Variants in EPHA5 observed in about 807,000 individuals in gnomAD.
EPHA5 encodes ephrin type-A receptor 5.
A neutral mutation model predicts 105.0 loss-of-function variants in EPHA5; 60 were observed. The ratio of observed to expected loss-of-function variants is 0.57; its 90% CI spans 0.46 to 0.71. The LOEUF (loss-of-function observed/expected upper bound fraction) is 0.71, where lower values mean the gene tolerates loss of function less well. Among genes scored for constraint, EPHA5 ranks in the 30% least tolerant of loss-of-function variants. EPHA5 has a pLI of 0.00. For synonymous variants in EPHA5, 513 were observed against 449.1 expected (o/e 1.14, Z -1.80); for missense variants, 1,218 against 1,274.7 (o/e 0.96, Z 0.68).
chr4:65,351,454 T>C lies in EPHA5; in HGVS notation c.2380A>G (p.Lys794Glu), dbSNP rs2148854455. The part of the protein sequence containing the change: ...NILINSNLVC[K>E]VSDFGLSRVL... ...CGGGAAAGTCCAAAGTCAGACACTTTGCACACAAGGTTACTGTTGATTAAG... is the reference window on the plus strand; with the variant it reads ...CGGGAAAGTCCAAAGTCAGACACTTCGCACACAAGGTTACTGTTGATTAAG... The change falls in exon 13 of 17, where the codon AAA becomes GAA. Residue 794 changes from lysine to glutamate, a missense_variant. Coordinates refer to ENST00000613740, the MANE Select transcript of EPHA5 (RefSeq NM_001281766.3). 6.2e-7 allele frequency: 1 copy of C among 1,613,806 alleles called. No homozygotes were observed. The highest frequency in any genetic ancestry group is 1.1e-5 in the South Asian group (1 of 91,076).
intron 6 of EPHA5, among the ~76,000 whole-genome samples, chr4:65,418,816 T>C (rs77589230): frequency 3.7e-4 from 56 of 149,752 alleles, no homozygotes; most frequent in Non-Finnish European, 6.4e-4. Context: ...TATTTTTGAA[T>C]TTTGTATACT....
chr4:65,442,196 C>T (rs990601528), intron 5 of EPHA5, among the ~76,000 whole-genome samples: 4 of 151,992 alleles, frequency 2.6e-5, no homozygotes, highest in Non-Finnish European at 4.4e-5. Flanking sequence ...GAATTTAAAA[C>T]GGGGCCTATG....
chr4:65,389,470 G>A lies in EPHA5; in HGVS notation c.1793+14904C>T, dbSNP rs183970100. On this transcript the variant is annotated intron_variant, in intron 8 of 16. Transcript: ENST00000613740. ...TAATATTTCTCCATATTTTGAAACA[G>A]GTTTCTCTTTGTATTAAACACTAAG... 3.0e-3 allele frequency among the ~76,000 whole-genome samples: 454 copies of A among 151,808 alleles called. 1 individual carries two copies. Among genetic ancestry groups the A allele is most frequent in the African/African-American group, 0.01 (429 of 41,416 alleles).
At position 65,319,691 on chromosome 4, in the gene EPHA5, C is replaced by A; in HGVS notation, c.*4423G>T. On this transcript the variant is annotated 3_prime_UTR_variant, in exon 17 of 17. Coordinates refer to ENST00000613740, the MANE Select transcript of EPHA5 (RefSeq NM_001281766.3). Reference sequence around the variant, plus strand: ...GAGAAAAAATACAGAAATCCTAATCCTTCTTTGAATTAACTGTGAGACAGG... The same window carrying A: ...GAGAAAAAATACAGAAATCCTAATCATTCTTTGAATTAACTGTGAGACAGG... 1 of 225,236 alleles carries A rather than the reference C, an allele frequency of 4.4e-6. No individual in the cohort carries two copies. Among genetic ancestry groups the A allele is most frequent in the East Asian group, 6.4e-5 (1 of 15,650 alleles). The allele number at this position is 225,236 out of a possible 1,614,324, so 14.0% of individuals were successfully genotyped here.
At chr4:65,533,038 A>G (rs1161508477) in intron 3 of EPHA5, among the ~76,000 whole-genome samples, 1 of 152,148 alleles carries the variant, frequency 6.6e-6, no homozygotes, top group Admixed American at 6.6e-5. Context: ...GCACACACTC[A>G]GTCAAACTTT....
intron 5 of EPHA5, among the ~76,000 whole-genome samples, chr4:65,448,481 C>G (rs1420596117): frequency 6.6e-6 from 1 of 152,080 alleles, no homozygotes; most frequent in East Asian, 1.9e-4. Flanking sequence ...AACCCCGTCT[C>G]TATTAAAAAT....
intron 8 of EPHA5, among the ~76,000 whole-genome samples, chr4:65,396,932 G>C (rs558078187): frequency 2.0e-5 from 3 of 152,168 alleles, no homozygotes; most frequent in African/African-American, 7.2e-5. Context: ...CCAAGAGAGG[G>C]AAAGGAGACA....
intron 8 of EPHA5, among the ~76,000 whole-genome samples, chr4:65,376,104 T>C (rs147730046): frequency 6.2e-4 from 95 of 152,098 alleles, no homozygotes; most frequent in African/African-American, 2.1e-3. Flanking sequence ...TCACACATAA[T>C]TTTTTAAGCA....
At chr4:65,375,290 T>C (rs543065676) in intron 8 of EPHA5, among the ~76,000 whole-genome samples, 1 of 150,876 alleles carries the variant, frequency 6.6e-6, no homozygotes, top group African/African-American at 2.4e-5. Context: ...ATCTTTTTTA[T>C]TTTTTTTTCA....
intron 8 of EPHA5, among the ~76,000 whole-genome samples, chr4:65,395,909 G>A (rs1721181088): frequency 6.6e-6 from 1 of 152,224 alleles, no homozygotes; most frequent in Non-Finnish European, 1.5e-5. Flanking sequence ...TGGAGAGGGG[G>A]AGGTGAGGCC....
chr4:65,469,720 C>T (rs1729100411), intron 5 of EPHA5, among the ~76,000 whole-genome samples: 1 of 152,046 alleles, frequency 6.6e-6, no homozygotes, highest in Non-Finnish European at 1.5e-5. Flanking sequence ...TTAACATATC[C>T]ATATAAAATT....
intron 2 of EPHA5, among the ~76,000 whole-genome samples, chr4:65,638,937 T>C (rs899158972): frequency 2.0e-5 from 3 of 152,204 alleles, no homozygotes; most frequent in African/African-American, 7.2e-5. Flanking sequence ...TTTAAAACAA[T>C]GTTAATATGC....
At chr4:65,449,596 C>G (rs1726886639) in intron 5 of EPHA5, among the ~76,000 whole-genome samples, 1 of 152,044 alleles carries the variant, frequency 6.6e-6, no homozygotes, top group African/African-American at 2.4e-5. Flanking sequence ...AAGTTGATAT[C>G]TAAGTATTGT....
chr4:65,522,479 C>T (rs960627750), intron 3 of EPHA5, among the ~76,000 whole-genome samples: 19 of 151,842 alleles, frequency 1.3e-4, no homozygotes, highest in African/African-American at 4.1e-4. Flanking sequence ...CAAACCTAGT[C>T]GGCCACACAC....
At chr4:65,409,535 A>G (rs2149005008) in intron 7 of EPHA5, among the ~76,000 whole-genome samples, 1 of 152,194 alleles carries the variant, frequency 6.6e-6, no homozygotes, top group African/African-American at 2.4e-5. Flanking sequence ...CTGGTTGTAG[A>G]CCCATATTAT....
chr4:65,352,373 T>C (rs1722897411), intron 12 of EPHA5, among the ~76,000 whole-genome samples: 1 of 152,046 alleles, frequency 6.6e-6, no homozygotes, highest in Admixed American at 6.6e-5. Flanking sequence ...TATATTAAAA[T>C]TACAAACTGC....
chr4:65,420,369 A>AATT lies in EPHA5; in HGVS notation c.1527+71_1527+72insAAT, dbSNP rs1578075821. On this transcript the variant is annotated intron_variant, in intron 6 of 16. Coordinates refer to ENST00000613740, the MANE Select transcript of EPHA5 (RefSeq NM_001281766.3). ...TAAAATTGCAACATACTCTTCTGCA[A>AATT]GTTGGATAATTGTAGTTGCTAAAAT... 9.3e-5 allele frequency: 133 copies of AATT among 1,428,774 alleles called. 3 individuals carry two copies. The East Asian group carries it at 3.0e-3, about 32-fold the overall frequency. The allele number at this position is 1,428,774 out of a possible 1,614,324, so 88.5% of individuals were successfully genotyped here.
intron 12 of EPHA5, 100 bp from the exon 13 acceptor site, chr4:65,351,698 C>T (rs966002215): frequency 4.9e-6 from 5 of 1,013,764 alleles, no homozygotes; most frequent in East Asian, 2.6e-5. Context: ...CTATCAGTCG[C>T]TAAAATTCAT....
chr4:65,499,014 A>G (rs1426937242), intron 3 of EPHA5, among the ~76,000 whole-genome samples: 1 of 97,064 alleles, frequency 1.0e-5, no homozygotes, highest in African/African-American at 4.5e-5. Context: ...TCAAACTCAT[A>G]TTATTCCCTT....
Sources: gnomAD v4.1 joint callset for allele counts (sites outside exome capture counted in the v4.1 genomes callset) on GRCh38, gnomAD v4.1.1 for gene constraint, MANE v1.5 for transcripts, NCBI Gene and HGNC (gene_info 2026-07-23, HGNC 2026-07-21) for gene names.